Variants in MRPS6 observed in about 807,000 individuals in gnomAD.
The protein encoded by MRPS6 is small ribosomal subunit protein bS6m.
MRPS6 carries 6 observed loss-of-function variants against 13.1 expected under a neutral mutation model. That is an observed-to-expected ratio of 0.46 (90% CI 0.25 to 0.91). MRPS6 has a LOEUF of 0.91. MRPS6 is among the 40% of genes least tolerant of loss of function. The probability of loss-of-function intolerance (pLI) is 0.18; values close to 1 mark genes in which losing one functional copy is unlikely to be tolerated. For synonymous variants in MRPS6, 61 were observed against 56.5 expected, an observed-to-expected ratio of 1.08 and a Z score of -0.36; for missense variants, 164 against 155.6, an observed-to-expected ratio of 1.05 and a Z score of -0.29.
At position 34,096,396 on chromosome 21, in the gene MRPS6, A is replaced by G. The variant is rs781054160; in HGVS notation, c.45+22651A>G. On this transcript the variant is annotated intron_variant, in intron 1 of 2. Transcript: ENST00000399312. This position sits in a 1 kb window ranked among gnomAD's most constrained non-coding sequence, Gnocchi z 5.9. ...CCTCGATGTGTACAAACTTATCCGC[A>G]AGAGCGCAAGCTCCCGGGAGTTAAT... The G allele has an allele frequency of 2.5e-6, 4 of 1,614,176 alleles. No homozygotes were observed. Among genetic ancestry groups the G allele is most frequent in the South Asian group, 2.2e-5 (2 of 91,076 alleles).
chr21:34,130,795 T>C (rs1980476487), intron 2 of MRPS6, among the ~76,000 whole-genome samples: 1 of 152,206 alleles, frequency 6.6e-6, no homozygotes, highest in Non-Finnish European at 1.5e-5. Flanking sequence ...TCACTTCCAC[T>C]TCTGCAGAGT....
intron 1 of MRPS6, chr21:34,097,760 G>C: frequency 1.1e-5 from 11 of 1,003,622 alleles, no homozygotes; most frequent in Non-Finnish European, 1.3e-5. Flanking sequence ...TTCTGTCTCT[G>C]TAATCCCTCC....
chr21:34,103,106 A>G, intron 1 of MRPS6: 1 of 1,000,136 alleles, frequency 1.0e-6, no homozygotes. Flanking sequence ...GGAAACAGAA[A>G]CGAGGCTTAT....
intron 1 of MRPS6, chr21:34,097,139 A>G (rs768983116): frequency 6.2e-7 from 1 of 1,614,038 alleles, no homozygotes; most frequent in East Asian, 2.2e-5. Context: ...GAAAGAAAGA[A>G]ACGGATGATG....
In MRPS6 at chr21:34,104,395, T is replaced by TGATA. The variant is rs1979385725; in HGVS notation, c.46-20946_46-20945insGATA. The TGATA allele has an allele frequency of 8.0e-6, 8 of 1,000,192 alleles. No individual in the cohort carries two copies. The South Asian group carries it at 3.8e-4, about 47-fold the overall frequency. 62.0% of individuals were successfully genotyped at this position (1,000,192 alleles called of 1,614,324 possible). ...CTCACTTCACCTCCGAGTAGCTTGT[T>TGATA]TATCAAGAATGAATGAATGTCTTTG... On this transcript the variant is annotated intron_variant, in intron 1 of 2. Transcript: ENST00000399312.
chr21:34,102,232 T>G lies in MRPS6; in HGVS notation c.46-23109T>G, dbSNP rs1011169585. 95 of 999,688 alleles carry G rather than the reference T, an allele frequency of 9.5e-5. 1 individual carries two copies. Among genetic ancestry groups the G allele is most frequent in the Non-Finnish European group, 1.1e-4 (91 of 829,752 alleles). 61.9% of individuals were successfully genotyped at this position (999,688 alleles called of 1,614,324 possible). A position where few individuals can be genotyped will look rare whatever the true frequency, so the allele number is the denominator to read the frequency against. On this transcript the variant is annotated intron_variant, in intron 1 of 2. Transcript: ENST00000399312. Reference sequence around the variant, plus strand: ...TAAGGTTCAAAGTAATTAACTGGCTTTGCCAGTGGTGAGTCCCACACCATT... The same window carrying G: ...TAAGGTTCAAAGTAATTAACTGGCTGTGCCAGTGGTGAGTCCCACACCATT...
chr21:34,095,659 TG>T, intron 1 of MRPS6: 1 of 1,613,718 alleles, frequency 6.2e-7, no homozygotes, highest in Non-Finnish European at 8.5e-7. Flanking sequence ...CAGGAGTCTT[TG>T]GGTTGGAATC....
intron 2 of MRPS6, among the ~76,000 whole-genome samples, chr21:34,132,067 A>G (rs1257061924): frequency 6.6e-6 from 1 of 152,234 alleles, no homozygotes; most frequent in Non-Finnish European, 1.5e-5. Flanking sequence ...GAAAACCATA[A>G]TGGACCATTT....
intron 2 of MRPS6, 120 bp from the exon 3 acceptor site, chr21:34,142,286 GTA>G: frequency 9.5e-7 from 1 of 1,050,152 alleles, no homozygotes; most frequent in Non-Finnish European, 1.3e-6. Context: ...TTATGTGTGT[GTA>G]TGTGTGTGTT....
intron 2 of MRPS6, among the ~76,000 whole-genome samples, chr21:34,131,373 C>T (rs1980496614): frequency 6.6e-6 from 1 of 152,156 alleles, no homozygotes; most frequent in Non-Finnish European, 1.5e-5. Flanking sequence ...TCTCTTTTCC[C>T]AGGGTCAGGA....
chr21:34,087,714 T>A (rs1385492826), intron 1 of MRPS6, among the ~76,000 whole-genome samples: 1 of 152,170 alleles, frequency 6.6e-6, no homozygotes, highest in Non-Finnish European at 1.5e-5. Context: ...GTTTGGTCCA[T>A]TGTGATGAAA....
At chr21:34,109,124 T>C (rs1119396) in intron 1 of MRPS6, among the ~76,000 whole-genome samples, 28,968 of 152,128 alleles carry the variant, frequency 0.19, 5,408 homozygotes, top group African/African-American at 0.49. Flanking sequence ...CTTTTGTTCC[T>C]GAAATCTTTT....
intron 1 of MRPS6, among the ~76,000 whole-genome samples, chr21:34,112,753 A>G (rs1009465880): frequency 6.6e-6 from 1 of 152,110 alleles, no homozygotes; most frequent in Non-Finnish European, 1.5e-5. Context: ...GGTAACCACC[A>G]TTCTACTCTC....
intron 2 of MRPS6, among the ~76,000 whole-genome samples, chr21:34,139,599 A>T (rs1980839498): frequency 6.6e-6 from 1 of 151,982 alleles, no homozygotes; most frequent in African/African-American, 2.4e-5. Flanking sequence ...TTTTTTTGAG[A>T]CAGAGTCTCG....
At chr21:34,104,251 G>A (rs1979376889) in intron 1 of MRPS6, 11 of 999,942 alleles carry the variant, frequency 1.1e-5, no homozygotes, top group African/African-American at 1.7e-5. Context: ...CAATGGGGTG[G>A]AGAGGATTCT....
At chr21:34,101,539 CCATT>C in intron 1 of MRPS6, 1 of 1,000,202 alleles carries the variant, frequency 1.0e-6, no homozygotes, top group African/African-American at 1.7e-5. Context: ...TGCCCACTTA[CCATT>C]CAGAGAGACT....
At chr21:34,140,635 C>A (rs1980876687) in intron 2 of MRPS6, among the ~76,000 whole-genome samples, 1 of 152,154 alleles carries the variant, frequency 6.6e-6, no homozygotes, top group Non-Finnish European at 1.5e-5. Flanking sequence ...ATAAGTAGTT[C>A]TATCGATTAC....
At chr21:34,083,157 A>G (rs1004038610) in intron 1 of MRPS6, among the ~76,000 whole-genome samples, 1 of 152,200 alleles carries the variant, frequency 6.6e-6, no homozygotes, top group Middle Eastern at 3.2e-3. Flanking sequence ...AGGTGAAGAA[A>G]CCAAGTGCAG....
At chr21:34,118,579 C>CAAT (rs1270946879) in intron 1 of MRPS6, among the ~76,000 whole-genome samples, 2 of 118,760 alleles carry the variant, frequency 1.7e-5, no homozygotes, top group African/African-American at 8.5e-5. Flanking sequence ...TTTTTTGAGA[C>CAAT]AGAGTCTCAG....
Sources: gnomAD v4.1 joint callset for allele counts (sites outside exome capture counted in the v4.1 genomes callset) on GRCh38, gnomAD v4.1.1 for gene constraint, Gnocchi (gnomAD v3.1) non-coding constraint, MANE v1.5 for transcripts, NCBI Gene and HGNC (gene_info 2026-07-23, HGNC 2026-07-21) for gene names.